PIP5K1C: variants seen among roughly 807,000 people sequenced by gnomAD.
PIP5K1C encodes phosphatidylinositol-4-phosphate 5-kinase type 1 gamma.
A neutral mutation model predicts 80.1 loss-of-function variants in PIP5K1C; 45 were observed. That is an observed-to-expected ratio of 0.56 (90% CI 0.44 to 0.72). The LOEUF (loss-of-function observed/expected upper bound fraction) is 0.72, where lower values mean the gene tolerates loss of function less well. PIP5K1C is among the 30% of genes least tolerant of loss of function. PIP5K1C has a pLI of 0.00. For synonymous variants in PIP5K1C, 498 were observed against 420.1 expected (o/e 1.19, Z -2.27); for missense variants, 753 against 954.6 (o/e 0.79, Z 2.78).
chr19:3,639,601 TTTTTTTTTTTTTTAGAGATG>T (rs2033877673), intron 15 of PIP5K1C, among the ~76,000 whole-genome samples: 2 of 151,516 alleles, frequency 1.3e-5, no homozygotes, highest in African/African-American at 4.8e-5. Context: ...CCAACTAATT[TTTTTTTTTTTTTTAGAGATG>T]GGGTCTCACT....
At position 3,667,514 on chromosome 19, in the gene PIP5K1C, C is replaced by A. The variant is rs148890020; in HGVS notation, c.95-161G>T. Among the ~76,000 whole-genome samples, 529 of 152,324 alleles carry A rather than the reference C, an allele frequency of 3.5e-3. 3 individuals carry two copies. The highest frequency in any genetic ancestry group is 3.6e-3 in the Non-Finnish European group (246 of 68,026). Reference sequence around the variant, plus strand: ...CACAAGTGAAGACATGGACTGAGTGCGCTGGGAGGATGTGATGAGGGTGGG... The same window carrying A: ...CACAAGTGAAGACATGGACTGAGTGAGCTGGGAGGATGTGATGAGGGTGGG... On this transcript the variant is annotated intron_variant, in intron 1 of 17. Transcript: ENST00000335312.
rs559678350 is a variant in PIP5K1C at position 3,696,300 on chromosome 19, T to G, written c.94+3997A>C. 6.6e-6 allele frequency among the ~76,000 whole-genome samples: 1 copy of G among 152,218 alleles called. No homozygotes were observed. Among genetic ancestry groups the G allele is most frequent in the Non-Finnish European group, 1.5e-5 (1 of 68,038 alleles). ...ACCTGATGTTCACCAGGATCTGCAC[T>G]GTGCTGAGCTCTTCCGGGCGCAGGG... On this transcript the variant is annotated intron_variant, in intron 1 of 17. Transcript: ENST00000335312. This position sits in a 1 kb window ranked among gnomAD's most constrained non-coding sequence, Gnocchi z 4.1.
chr19:3,637,685 G>A lies in PIP5K1C; in HGVS notation c.1920+1199C>T, dbSNP rs982051724. 5.6e-5 allele frequency: 85 copies of A among 1,507,720 alleles called. No individual in the cohort carries two copies. The East Asian group carries it at 6.4e-4, about 11-fold the overall frequency. The allele number at this position is 1,507,720 out of a possible 1,614,324, so 93.4% of individuals were successfully genotyped here. A position where few individuals can be genotyped will look rare whatever the true frequency, so the allele number is the denominator to read the frequency against. On this transcript the variant is annotated intron_variant, in intron 16 of 17. Transcript: ENST00000335312. The surrounding 1 kb of genome is among the most constrained non-coding windows in gnomAD (Gnocchi z 7.0). ...GACAGCGGATGAGGCGGCCACCCCC[G>A]TGGTCGGGTGGGAGAGGCGGAGGGA...
rs149695438 is a variant in PIP5K1C at position 3,656,584 on chromosome 19, G to A, written c.469-27C>T. The A allele has an allele frequency of 4.0e-3, 6,444 of 1,612,416 alleles. 19 individuals carry two copies. Among genetic ancestry groups the A allele is most frequent in the Non-Finnish European group, 4.7e-3 (5,536 of 1,179,786 alleles). ...TGGAAGCAGAGGAGGCGGGTCAGCG[G>A]GCCCCAAGCTGCCGGACACACAGAC... On this transcript the variant is annotated intron_variant, in intron 5 of 17. Coordinates refer to ENST00000335312, the MANE Select transcript of PIP5K1C (RefSeq NM_012398.3).
chr19:3,693,712 G>A (rs2036015393), intron 1 of PIP5K1C, among the ~76,000 whole-genome samples: 1 of 136,708 alleles, frequency 7.3e-6, no homozygotes, highest in Non-Finnish European at 1.6e-5. Flanking sequence ...CCAGGGGCTA[G>A]GGCCTCACCC....
At chr19:3,639,593 A>G (rs2033876242) in intron 15 of PIP5K1C, among the ~76,000 whole-genome samples, 1 of 149,654 alleles carries the variant, frequency 6.7e-6, no homozygotes, top group South Asian at 2.1e-4. Flanking sequence ...TGCTACACCC[A>G]ACTAATTTTT....
At chr19:3,678,571 GAGGGATGGAGGGATAA>G (rs368869931) in intron 1 of PIP5K1C, among the ~76,000 whole-genome samples, 5,695 of 100,382 alleles carry the variant, frequency 0.057, 396 homozygotes, top group African/African-American at 0.076. Flanking sequence ...GGGATGGAGG[GAGGGATGGAGGGATAA>G]AGGGATGGAG....
At chr19:3,635,920 C>T (rs1277189329) in intron 16 of PIP5K1C, among the ~76,000 whole-genome samples, 4 of 152,138 alleles carry the variant, frequency 2.6e-5, no homozygotes, top group Non-Finnish European at 2.9e-5. Context: ...GCGGAACTTG[C>T]AGCGAGCCGA....
intron 2 of PIP5K1C, 104 bp from the exon 3 acceptor site, chr19:3,665,018 C>T (rs1452635169): frequency 3.4e-6 from 3 of 886,672 alleles, no homozygotes; most frequent in Non-Finnish European, 5.5e-6. Context: ...TTGGGCCCAG[C>T]AGGGGTGCAC....
At chr19:3,699,841 C>A (rs1309680955) in intron 1 of PIP5K1C, among the ~76,000 whole-genome samples, 2 of 152,206 alleles carry the variant, frequency 1.3e-5, no homozygotes, top group Non-Finnish European at 2.9e-5. Flanking sequence ...CCTTTTCCTC[C>A]CCTCATTTTA....
intron 1 of PIP5K1C, among the ~76,000 whole-genome samples, chr19:3,668,956 G>A (rs1302869702): frequency 6.6e-6 from 1 of 152,196 alleles, no homozygotes; most frequent in East Asian, 1.9e-4. Flanking sequence ...GGGTACCGAA[G>A]GGGAGTGCCT....
At chr19:3,657,192 C>T (rs2034661294) in intron 5 of PIP5K1C, among the ~76,000 whole-genome samples, 1 of 152,192 alleles carries the variant, frequency 6.6e-6, no homozygotes, top group Non-Finnish European at 1.5e-5. Context: ...TTCTCAGCCC[C>T]TGCTGTTTGT....
Position 3,700,283 on chromosome 19 carries a change from G to T in PIP5K1C, c.94+14C>A. On this transcript the variant is annotated intron_variant, in intron 1 of 17. Transcript: ENST00000335312. ...AGCCCAGCGGGCCGCAGCCCCGGGA[G>T]GCCGGGCCGTTACCTGCCGCCGCCC... 1 of 1,252,706 alleles carries T rather than the reference G, an allele frequency of 8.0e-7. No individual in the cohort carries two copies. Among genetic ancestry groups the T allele is most frequent in the Non-Finnish European group, 1.0e-6 (1 of 980,830 alleles). 77.6% of individuals were successfully genotyped at this position (1,252,706 alleles called of 1,614,324 possible).
At chr19:3,672,114 G>A (rs1358947634) in intron 1 of PIP5K1C, among the ~76,000 whole-genome samples, 1 of 152,204 alleles carries the variant, frequency 6.6e-6, no homozygotes, top group Non-Finnish European at 1.5e-5. Flanking sequence ...GCTGCACGGT[G>A]ACCTCATCGG....
chr19:3,642,520 G>A (rs1357035944), intron 14 of PIP5K1C, among the ~76,000 whole-genome samples: 4 of 152,218 alleles, frequency 2.6e-5, no homozygotes, highest in Non-Finnish European at 5.9e-5. Context: ...CAAGCCTGGT[G>A]CACGTCTGCT....
chr19:3,682,944 C>T (rs565666431), intron 1 of PIP5K1C, among the ~76,000 whole-genome samples: 10 of 147,258 alleles, frequency 6.8e-5, no homozygotes, highest in African/African-American at 2.5e-4. Flanking sequence ...CCTCCTCCCC[C>T]TCCCCTCCCC....
chr19:3,655,795 A>G (rs1394656694), intron 6 of PIP5K1C, among the ~76,000 whole-genome samples: 2 of 152,130 alleles, frequency 1.3e-5, no homozygotes, highest in Non-Finnish European at 2.9e-5. Flanking sequence ...GCCTGGCAAC[A>G]TGGAAGGCGC....
chr19:3,683,769 G>A (rs758821365), intron 1 of PIP5K1C, among the ~76,000 whole-genome samples: 48 of 152,116 alleles, frequency 3.2e-4, no homozygotes, highest in Non-Finnish European at 4.7e-4. Flanking sequence ...CAGCCAGTAC[G>A]GAGGCCCCGG....
At chr19:3,673,092 C>A (rs2035262347) in intron 1 of PIP5K1C, among the ~76,000 whole-genome samples, 2 of 149,688 alleles carry the variant, frequency 1.3e-5, no homozygotes, top group Admixed American at 1.3e-4. Flanking sequence ...GAAGACCAGG[C>A]CCTGTCACCC....
Sources: allele counts gnomAD v4.1 joint callset (sites outside exome capture counted in the v4.1 genomes callset), GRCh38; gene constraint gnomAD v4.1.1; non-coding constraint Gnocchi (gnomAD v3.1); transcripts MANE v1.5; gene names NCBI Gene and HGNC (gene_info 2026-07-23, HGNC 2026-07-21).